SLC6A16: variants seen among roughly 807,000 people sequenced by gnomAD.
SLC6A16 encodes orphan sodium- and chloride-dependent neurotransmitter transporter NTT5.
SLC6A16 carries 54 observed loss-of-function variants against 65.4 expected under a neutral mutation model. That is an observed-to-expected ratio of 0.83 (90% CI 0.66 to 1.04). The LOEUF (loss-of-function observed/expected upper bound fraction) is 1.04. Among genes scored for constraint, SLC6A16 ranks in the 50% least tolerant of loss-of-function variants. The probability of loss-of-function intolerance (pLI) is 0.00; values close to 1 mark genes in which losing one functional copy is unlikely to be tolerated. For synonymous variants in SLC6A16, 330 were observed against 346.5 expected, an observed-to-expected ratio of 0.95 and a Z score of 0.53; for missense variants, 816 against 914.0, an observed-to-expected ratio of 0.89 and a Z score of 1.38.
In SLC6A16 at chr19:49,293,778, G is replaced by A. The variant is rs758699811; in HGVS notation, c.1618+49C>T. 5.9e-6 allele frequency: 9 copies of A among 1,515,298 alleles called. No individual in the cohort carries two copies. The Admixed American group carries it at 1.2e-4, about 20-fold the overall frequency. The allele number at this position is 1,515,298 out of a possible 1,614,324, so 93.9% of individuals were successfully genotyped here. On this transcript the variant is annotated intron_variant, in intron 9 of 11. Transcript: ENST00000335875. Reference sequence around the variant, plus strand: ...CTGTCCCAAAAAAAGAGTCCCAGTGGTGTCAGGGGTCAGGGTCATTGTTAG... The same window carrying A: ...CTGTCCCAAAAAAAGAGTCCCAGTGATGTCAGGGGTCAGGGTCATTGTTAG...
chr19:49,340,185 G>C, the SLC6A16 span: 1 of 1,524,976 alleles, frequency 6.6e-7, no homozygotes, highest in Non-Finnish European at 9.0e-7. Flanking sequence ...TCTCGCCCGG[G>C]TGGGCATCAC....
At chr19:49,334,713 C>T in the SLC6A16 span, among the ~76,000 whole-genome samples, 1 of 149,958 alleles carries the variant, frequency 6.7e-6, no homozygotes, top group African/African-American at 2.5e-5. Flanking sequence ...CACTCCATAG[C>T]AAGACCCCAT....
chr19:49,320,977 T>C (rs1193611815), intron 1 of SLC6A16, among the ~76,000 whole-genome samples: 2 of 152,142 alleles, frequency 1.3e-5, no homozygotes, highest in African/African-American at 4.8e-5. Flanking sequence ...TTCCAAAAAA[T>C]TGGAGAGGAG....
rs563081727 is a variant in SLC6A16, at chr19:49,319,519, GTATATACATATACCTATACGA to G, written c.-65+5508_-65+5528del. Among the ~76,000 whole-genome samples, 430 of 150,218 alleles carry G rather than the reference GTATATACATATACCTATACGA, an allele frequency of 2.9e-3. 1 individual carries two copies. Among genetic ancestry groups the G allele is most frequent in the African/African-American group, 0.01 (418 of 40,860 alleles). On this transcript the variant is annotated intron_variant, in intron 1 of 11. Coordinates refer to ENST00000335875, the MANE Select transcript of SLC6A16 (RefSeq NM_014037.3). ...TACATATATGTGTATATGTGTATAT[GTATATACATATACCTATACGA>G]TATATACATATACATATATATATCA...
chr19:49,293,463 C>G, intron 9 of SLC6A16, 81 bp from the exon 10 acceptor site: 1 of 1,407,278 alleles, frequency 7.1e-7, no homozygotes, highest in Non-Finnish European at 9.9e-7. Flanking sequence ...TAGACCAGGG[C>G]TGGTGGCAGA....
At chr19:49,295,207 C>A (rs1426971027) in intron 7 of SLC6A16, among the ~76,000 whole-genome samples, 1 of 151,990 alleles carries the variant, frequency 6.6e-6, no homozygotes, top group Non-Finnish European at 1.5e-5. Flanking sequence ...TGGTGAAACC[C>A]CGTCTCTACT....
At chr19:49,335,838 C>G in the SLC6A16 span, 1 of 1,456,534 alleles carries the variant, frequency 6.9e-7, no homozygotes, top group East Asian at 2.3e-5. The surrounding 1 kb of genome is among the most constrained non-coding windows in gnomAD (Gnocchi z 4.6). Context: ...AAGCAACTTC[C>G]TGGGGTCTCC....
Position 49,289,874 on chromosome 19 carries a change from T to C in SLC6A16, c.*249A>G. On this transcript the variant is annotated 3_prime_UTR_variant, in exon 12 of 12. Transcript: ENST00000335875. ...GGACTGGTAGACATCACTAGTATTGTATATGTGTTGTGCATGTATGTGTGT... is the reference window on the plus strand; with the variant it reads ...GGACTGGTAGACATCACTAGTATTGCATATGTGTTGTGCATGTATGTGTGT... The C allele has an allele frequency of 3.8e-6, 2 of 531,692 alleles. No homozygotes were observed. Among genetic ancestry groups the C allele is most frequent in the Non-Finnish European group, 6.7e-6 (2 of 297,348 alleles). 32.9% of individuals were successfully genotyped at this position (531,692 alleles called of 1,614,324 possible). A position where few individuals can be genotyped will look rare whatever the true frequency, so the allele number is the denominator to read the frequency against.
the SLC6A16 span, chr19:49,340,003 G>T: frequency 2.8e-6 from 4 of 1,446,730 alleles, no homozygotes; most frequent in Non-Finnish European, 3.6e-6. Flanking sequence ...CAAAATAAAG[G>T]ACCCTGGGCT....
chr19:49,315,509 G>A (rs571915965), intron 1 of SLC6A16, among the ~76,000 whole-genome samples: 96 of 152,312 alleles, frequency 6.3e-4, no homozygotes, highest in Non-Finnish European at 1.1e-3. Context: ...TCCAGCCTTT[G>A]GGGCTGGTCA....
At chr19:49,307,724 C>A (rs144153808) in intron 7 of SLC6A16, among the ~76,000 whole-genome samples, 445 of 76,588 alleles carry the variant, frequency 5.8e-3, no homozygotes, top group Middle Eastern at 6.9e-3. Flanking sequence ...GAGGAGGAAG[C>A]AAAAAAAAAG....
At chr19:49,332,204 T>C in the SLC6A16 span, 1 of 456,584 alleles carries the variant, frequency 2.2e-6, no homozygotes, top group East Asian at 6.9e-5. Context: ...CCAATTTCTG[T>C]GTCTACCATC....
At position 49,290,762 on chromosome 19, in the gene SLC6A16, A is replaced by G. The variant is rs1970063265; in HGVS notation, c.1784T>C (p.Leu595Pro). 6.2e-7 allele frequency: 1 copy of G among 1,607,004 alleles called. No individual in the cohort carries two copies. The highest frequency in any genetic ancestry group is 8.5e-7 in the Non-Finnish European group (1 of 1,176,630). The change falls in exon 11 of 12, where the codon CTT (leucine) becomes CCT (proline). Residue 595 changes from leucine to proline, a missense_variant. Coordinates refer to ENST00000335875, the MANE Select transcript of SLC6A16 (RefSeq NM_014037.3). ...GCCCAACAGGATCGTCAGGTCTGCA[A>G]GGAACCTGGAGAAGGGCCACCAGAG... ...VSWAYGARRF[L>P]ADLTILLGHP...
intron 1 of SLC6A16, among the ~76,000 whole-genome samples, chr19:49,315,017 C>T (rs1479249768): frequency 6.7e-6 from 1 of 149,952 alleles, no homozygotes; most frequent in African/African-American, 2.5e-5. Flanking sequence ...CCAAACTTAC[C>T]CACAATCTCC....
At chr19:49,319,100 A>C (rs180671588) in intron 1 of SLC6A16, among the ~76,000 whole-genome samples, 1 of 152,148 alleles carries the variant, frequency 6.6e-6, no homozygotes, top group Admixed American at 6.5e-5. Flanking sequence ...GGCAGATTTT[A>C]ATAAATCAGT....
At position 49,290,594 on chromosome 19, in the gene SLC6A16, G is replaced by A. The variant is rs759435122; in HGVS notation, c.1941+11C>T. The stretch of plus-strand genomic sequence containing the variant: ...CTCCCAAAGGGGTTCTGGGTCCTGG[G>A]GGAGGCTCACGGTGCTTGAGTCCCA... On this transcript the variant is annotated intron_variant, in intron 11 of 11. Coordinates refer to ENST00000335875, the MANE Select transcript of SLC6A16 (RefSeq NM_014037.3). The A allele has an allele frequency of 1.9e-6, 3 of 1,613,844 alleles. No individual in the cohort carries two copies. In the African/African-American group the frequency reaches 4.0e-5, roughly 22 times the overall value.
the SLC6A16 span, chr19:49,338,722 A>G: frequency 6.2e-7 from 1 of 1,612,104 alleles, no homozygotes; most frequent in South Asian, 1.1e-5. This position sits in a 1 kb window ranked among gnomAD's most constrained non-coding sequence, Gnocchi z 5.0. Context: ...GGCTGGCACT[A>G]CCCGCAGGAC....
the SLC6A16 span, chr19:49,339,233 A>C: frequency 9.3e-7 from 1 of 1,071,600 alleles, no homozygotes; most frequent in Non-Finnish European, 1.4e-6. The surrounding 1 kb of genome is among the most constrained non-coding windows in gnomAD (Gnocchi z 4.5). Flanking sequence ...GAGCGGGTAG[A>C]TGCCTGAAGA....
At chr19:49,330,505 G>A in the SLC6A16 span, among the ~76,000 whole-genome samples, 1 of 152,342 alleles carries the variant, frequency 6.6e-6, no homozygotes, top group African/African-American at 2.4e-5. Context: ...AATGAAGATT[G>A]AGGAGAACCA....
Sources: gnomAD v4.1 joint callset for allele counts (sites outside exome capture counted in the v4.1 genomes callset) on GRCh38, gnomAD v4.1.1 for gene constraint, Gnocchi (gnomAD v3.1) non-coding constraint, MANE v1.5 for transcripts, NCBI Gene and HGNC (gene_info 2026-07-23, HGNC 2026-07-21) for gene names.